Variants in PCDH15 observed in about 807,000 individuals in gnomAD.
PCDH15 encodes the protein protocadherin related 15.
A neutral mutation model predicts 178.5 loss-of-function variants in PCDH15; 129 were observed. The observed-to-expected ratio is 0.72, with a 90% CI of 0.63 to 0.84. The LOEUF (loss-of-function observed/expected upper bound fraction) is 0.84, where lower values mean the gene tolerates loss of function less well. Ranked by LOEUF, PCDH15 falls within the 40% of genes least tolerant of loss-of-function variation. PCDH15 has a pLI of 0.00. For missense variants in PCDH15, 2,230 were observed against 2,099.9 expected, an observed-to-expected ratio of 1.06 and a Z score of -1.21; for synonymous variants, 800 against 732.0, an observed-to-expected ratio of 1.09 and a Z score of -1.50.
At chr10:55,479,227 A>C (rs1840124266) in intron 2 of PCDH15, among the ~76,000 whole-genome samples, 1 of 151,650 alleles carries the variant, frequency 6.6e-6, no homozygotes. Context: ...ATGAACATGC[A>C]TGTAAAATTC....
chr10:54,529,484 A>G (rs1162424966), intron 2 of PCDH15, among the ~76,000 whole-genome samples: 2 of 152,236 alleles, frequency 1.3e-5, no homozygotes, highest in East Asian at 3.9e-4. Context: ...CAAAAACCTT[A>G]CATGTTTCTT....
chr10:54,508,348 T>C (rs1010945690), intron 3 of PCDH15, among the ~76,000 whole-genome samples: 10 of 151,856 alleles, frequency 6.6e-5, no homozygotes, highest in African/African-American at 2.4e-4. Flanking sequence ...ACCATGGAAT[T>C]AAAAACAAGA....
At chr10:55,034,272 ACT>A (rs1840683927) in intron 2 of PCDH15, among the ~76,000 whole-genome samples, 1 of 152,124 alleles carries the variant, frequency 6.6e-6, no homozygotes, top group Non-Finnish European at 1.5e-5. Context: ...TAAAAATAAT[ACT>A]TTTTCCTGTG....
chr10:54,872,059 G>A (rs2131795959), intron 3 of PCDH15, among the ~76,000 whole-genome samples: 1 of 151,816 alleles, frequency 6.6e-6, no homozygotes, highest in South Asian at 2.1e-4. Context: ...AAAAACAAGT[G>A]GTTATATTTA....
chr10:54,903,301 A>G (rs958809164), intron 2 of PCDH15, among the ~76,000 whole-genome samples: 3 of 152,156 alleles, frequency 2.0e-5, no homozygotes, highest in African/African-American at 4.8e-5. Flanking sequence ...ATTATATTCT[A>G]TGTGTTTAAA....
At chr10:55,496,699 T>A (rs548049396) in intron 2 of PCDH15, among the ~76,000 whole-genome samples, 4 of 151,960 alleles carry the variant, frequency 2.6e-5, no homozygotes, top group Admixed American at 2.6e-4. Context: ...AGTATATACA[T>A]GGGTATACAC....
At chr10:55,402,962 C>A (rs1838108286) in intron 2 of PCDH15, among the ~76,000 whole-genome samples, 1 of 151,922 alleles carries the variant, frequency 6.6e-6, no homozygotes, top group Non-Finnish European at 1.5e-5. Context: ...AGTTTTTCTC[C>A]ACATCCTTGC....
At chr10:54,002,036 AATATATATAC>A (rs2092162774) in intron 20 of PCDH15, among the ~76,000 whole-genome samples, 3 of 144,160 alleles carry the variant, frequency 2.1e-5, no homozygotes, top group Non-Finnish European at 4.5e-5. Context: ...AACAATTGTA[AATATATATAC>A]ATATATGTAT....
At chr10:55,549,388 C>CTGT in intron 2 of PCDH15, among the ~76,000 whole-genome samples, 1 of 152,146 alleles carries the variant, frequency 6.6e-6, no homozygotes, top group Middle Eastern at 3.4e-3. Flanking sequence ...ACATTCAGTA[C>CTGT]AACAAAATTA....
Position 53,804,829 on chromosome 10 carries a change from C to T in PCDH15, c.*1750G>A, listed in dbSNP as rs990987043. ...CAAAATTTAATGTGCATATAAACCACCTTAGGATCTTTTGAAAATGTGGAT... is the reference window on the plus strand; with the variant it reads ...CAAAATTTAATGTGCATATAAACCATCTTAGGATCTTTTGAAAATGTGGAT... On this transcript the variant is annotated 3_prime_UTR_variant, in exon 38 of 38. Coordinates refer to ENST00000644397, the MANE Select transcript of PCDH15 (RefSeq NM_001384140.1). 15 of 151,960 alleles carry T rather than the reference C, an allele frequency of 9.9e-5. No homozygotes were observed. The highest frequency in any genetic ancestry group is 3.6e-4 in the African/African-American group (15 of 41,426). The allele number at this position is 151,960 out of a possible 1,614,324, so 9.4% of individuals were successfully genotyped here.
chr10:54,060,408 G>A (rs1303742402), intron 18 of PCDH15, among the ~76,000 whole-genome samples: 2 of 152,084 alleles, frequency 1.3e-5, no homozygotes, highest in African/African-American at 4.8e-5. Context: ...TTAGTTCATA[G>A]TGTTGTAAAA....
At chr10:55,434,451 T>C (rs1003160334) in intron 2 of PCDH15, among the ~76,000 whole-genome samples, 2 of 152,128 alleles carry the variant, frequency 1.3e-5, no homozygotes, top group African/African-American at 4.8e-5. Flanking sequence ...CCAATTATTA[T>C]TGGTATGGTT....
intron 15 of PCDH15, among the ~76,000 whole-genome samples, chr10:54,096,459 CTCTT>C (rs1406393632): frequency 1.3e-5 from 2 of 152,112 alleles, no homozygotes; most frequent in East Asian, 3.9e-4. Context: ...GTCAGTCTCT[CTCTT>C]TGCCTGTCAT....
At chr10:54,826,983 T>A (rs1184504269) in intron 3 of PCDH15, among the ~76,000 whole-genome samples, 1 of 152,104 alleles carries the variant, frequency 6.6e-6, no homozygotes. Flanking sequence ...AGATGAGACA[T>A]ATTTGTTTTT....
chr10:54,722,788 TA>T (rs1052975533), intron 1 of PCDH15, among the ~76,000 whole-genome samples: 4 of 151,786 alleles, frequency 2.6e-5, no homozygotes, highest in Admixed American at 6.6e-5. Flanking sequence ...CAATCTCATT[TA>T]AAATAGCTGC....
chr10:54,858,883 A>G (rs1953787426), intron 3 of PCDH15, among the ~76,000 whole-genome samples: 2 of 152,064 alleles, frequency 1.3e-5, no homozygotes, highest in Admixed American at 1.3e-4. Context: ...ACTACTGAAG[A>G]ATTTTATATA....
At chr10:54,275,890 C>A (rs976996869) in intron 8 of PCDH15, among the ~76,000 whole-genome samples, 9 of 151,350 alleles carry the variant, frequency 5.9e-5, no homozygotes, top group East Asian at 3.9e-4. Context: ...ATTGCATTAA[C>A]AAATCAGAGG....
chr10:55,252,805 A>T (rs948603764), intron 1 of PCDH15, among the ~76,000 whole-genome samples: 2 of 152,164 alleles, frequency 1.3e-5, no homozygotes, highest in Middle Eastern at 3.2e-3. Context: ...GAATGAACAC[A>T]CACAAACACA....
intron 2 of PCDH15, among the ~76,000 whole-genome samples, chr10:55,467,874 G>A (rs1839866148): frequency 6.7e-6 from 1 of 149,036 alleles, no homozygotes; most frequent in African/African-American, 2.5e-5. Flanking sequence ...GGCTGAGGCA[G>A]GAGAACTGCT....
Sources: gnomAD v4.1 joint callset for allele counts (sites outside exome capture counted in the v4.1 genomes callset) on GRCh38, gnomAD v4.1.1 for gene constraint, MANE v1.5 for transcripts, NCBI Gene and HGNC (gene_info 2026-07-23, HGNC 2026-07-21) for gene names.